Variants in COL26A1 observed in about 807,000 individuals in gnomAD.
COL26A1 encodes collagen type XXVI alpha 1 chain, also known as collagen alpha-1(XXVI) chain.
A neutral mutation model predicts 59.3 loss-of-function variants in COL26A1; 41 were observed. The observed-to-expected ratio is 0.69, with a 90% confidence interval of 0.54 to 0.90. The LOEUF (loss-of-function observed/expected upper bound fraction) is 0.90, where lower values mean the gene tolerates loss of function less well. COL26A1 is among the 40% of genes least tolerant of loss of function. The pLI, the probability that COL26A1 is intolerant of heterozygous loss-of-function variation, is 0.00. For missense variants in COL26A1, 612 were observed against 602.3 expected (o/e 1.02, Z -0.17); for synonymous variants, 266 against 256.0 (o/e 1.04, Z -0.37).
chr7:101,443,471 G>A (rs35051955), intron 2 of COL26A1, among the ~76,000 whole-genome samples: 27,382 of 152,122 alleles, frequency 0.18, 2,994 homozygotes, highest in Non-Finnish European at 0.24. Flanking sequence ...TCAACAGTGC[G>A]TCTCCAAACG....
At chr7:101,373,287 G>T (rs1015355489) in intron 1 of COL26A1, among the ~76,000 whole-genome samples, 2 of 152,204 alleles carry the variant, frequency 1.3e-5, no homozygotes, top group Admixed American at 6.5e-5. Context: ...TGAGCTCCTG[G>T]CTGTCTCCAG....
chr7:101,432,228 C>T (rs1368865565), intron 2 of COL26A1, among the ~76,000 whole-genome samples: 1 of 152,066 alleles, frequency 6.6e-6, no homozygotes, highest in African/African-American at 2.4e-5. Context: ...TCCCAAAGTG[C>T]TGGGATTACA....
At chr7:101,438,510 T>C (rs1225334701) in intron 2 of COL26A1, among the ~76,000 whole-genome samples, 6 of 151,420 alleles carry the variant, frequency 4.0e-5, no homozygotes, top group Non-Finnish European at 7.4e-5. Context: ...TCCTCCACTT[T>C]CTGTTGGTGT....
intron 1 of COL26A1, among the ~76,000 whole-genome samples, chr7:101,367,390 T>G (rs1791071323): frequency 6.6e-6 from 1 of 152,070 alleles, no homozygotes; most frequent in Non-Finnish European, 1.5e-5. Flanking sequence ...AGAGGCCAGG[T>G]GCGGTGGCTC....
At chr7:101,434,476 G>A (rs1584404380) in intron 2 of COL26A1, among the ~76,000 whole-genome samples, 1 of 151,896 alleles carries the variant, frequency 6.6e-6, no homozygotes, top group Admixed American at 6.6e-5. Context: ...TGCCCAGGCT[G>A]GTCTTGAACT....
chr7:101,385,668 G>A (rs1462955139), intron 1 of COL26A1, among the ~76,000 whole-genome samples: 1 of 151,582 alleles, frequency 6.6e-6, no homozygotes, highest in African/African-American at 2.4e-5. Flanking sequence ...ACCACGCCTG[G>A]CCCCATACAA....
At chr7:101,470,345 C>T (rs1265814033) in intron 3 of COL26A1, among the ~76,000 whole-genome samples, 2 of 152,062 alleles carry the variant, frequency 1.3e-5, no homozygotes, top group South Asian at 4.2e-4. Flanking sequence ...CCGTCCACCT[C>T]GGCCTCCCAA....
In COL26A1 at chr7:101,428,950, G is replaced by A. The variant is rs111980512; in HGVS notation, c.281+8851G>A. 6.6e-3 allele frequency among the ~76,000 whole-genome samples: 970 copies of A among 147,498 alleles called. 9 individuals carry two copies. The highest frequency in any genetic ancestry group is 0.023 in the African/African-American group (921 of 40,508). On this transcript the variant is annotated intron_variant, in intron 2 of 12. Transcript: ENST00000313669. ...TCTTTTTTTTTTTTTTCTTGAGACG[G>A]AGTCTCACTCTGTTGCCAGGCTGGA...
chr7:101,505,718 A>T (rs1584470694), intron 3 of COL26A1, among the ~76,000 whole-genome samples: 1 of 152,214 alleles, frequency 6.6e-6, no homozygotes, highest in East Asian at 1.9e-4. Context: ...GTGCCCACCC[A>T]GATTGAGGGG....
chr7:101,539,980 G>T lies in COL26A1; in HGVS notation c.535G>T (p.Asp179Tyr). 3.7e-6 allele frequency: 6 copies of T among 1,613,590 alleles called. No individual in the cohort carries two copies. Among genetic ancestry groups the T allele is most frequent in the Non-Finnish European group, 5.1e-6 (6 of 1,179,830 alleles). Residue 179 changes from aspartate (D) to tyrosine (Y), a missense_variant, in exon 5 of 13, where the codon GAC (aspartate) becomes TAC (tyrosine). Asp to Tyr is a radical substitution (Grantham distance 160). Coordinates refer to ENST00000313669, the MANE Select transcript of COL26A1 (RefSeq NM_001278563.3). ...GAGCACTCCGCCGACCTGGAATGAGGACTTCCTCCCCGACGCCATCCCTCT... is the reference window on the plus strand; with the variant it reads ...GAGCACTCCGCCGACCTGGAATGAGTACTTCCTCCCCGACGCCATCCCTCT... ...PESTPPTWNE[D>Y]FLPDAIPLAH...
intron 2 of COL26A1, among the ~76,000 whole-genome samples, chr7:101,444,789 A>G (rs1028171053): frequency 2.0e-5 from 3 of 151,918 alleles, no homozygotes; most frequent in Non-Finnish European, 4.4e-5. Context: ...CCACACTTGG[A>G]GAGTTGTACA....
chr7:101,396,583 C>T (rs1791860305), intron 1 of COL26A1, among the ~76,000 whole-genome samples: 1 of 152,146 alleles, frequency 6.6e-6, no homozygotes, highest in Admixed American at 6.6e-5. Flanking sequence ...CTGCCTCAGC[C>T]TCCCTAGTAG....
intron 3 of COL26A1, among the ~76,000 whole-genome samples, chr7:101,496,698 C>A (rs775039892): frequency 9.9e-5 from 15 of 152,040 alleles, no homozygotes; most frequent in Non-Finnish European, 1.8e-4. Flanking sequence ...CCAGGCTGGC[C>A]AACATGGCAA....
chr7:101,517,164 G>C (rs1393432381), intron 3 of COL26A1, among the ~76,000 whole-genome samples: 2 of 152,190 alleles, frequency 1.3e-5, no homozygotes, highest in Admixed American at 1.3e-4. Flanking sequence ...CACTGCCCTA[G>C]GGAAGCTGAG....
chr7:101,493,490 G>A (rs1794512342), intron 3 of COL26A1, among the ~76,000 whole-genome samples: 1 of 152,088 alleles, frequency 6.6e-6, no homozygotes, highest in Admixed American at 6.6e-5. Context: ...CTTGGCCAGG[G>A]CTCTTCGCTT....
At chr7:101,370,739 T>C (rs763827833) in intron 1 of COL26A1, among the ~76,000 whole-genome samples, 2 of 152,184 alleles carry the variant, frequency 1.3e-5, no homozygotes, top group South Asian at 2.1e-4. Context: ...TCTTGTGGTT[T>C]CGTCTAAGCC....
At chr7:101,421,395 C>T (rs1230756140) in intron 2 of COL26A1, among the ~76,000 whole-genome samples, 1 of 152,138 alleles carries the variant, frequency 6.6e-6, no homozygotes. Flanking sequence ...TTAATCTTGG[C>T]TGGGTGCGGT....
intron 3 of COL26A1, among the ~76,000 whole-genome samples, chr7:101,532,165 G>T (rs533809857): frequency 2.0e-5 from 3 of 152,236 alleles, no homozygotes; most frequent in African/African-American, 7.2e-5. Flanking sequence ...ACATAAAAAG[G>T]TAATTACAGC....
chr7:101,499,510 C>A (rs571383233), intron 3 of COL26A1, among the ~76,000 whole-genome samples: 6 of 152,156 alleles, frequency 3.9e-5, no homozygotes, highest in Non-Finnish European at 7.4e-5. Flanking sequence ...CTGGTGAAAC[C>A]CCGTCTCTAC....
Sources: allele counts gnomAD v4.1 joint callset (sites outside exome capture counted in the v4.1 genomes callset), GRCh38; gene constraint gnomAD v4.1.1; transcripts MANE v1.5; gene names NCBI Gene and HGNC (gene_info 2026-07-23, HGNC 2026-07-21).